The following RAB15 variants were observed in gnomAD, a reference collection of about 807,000 sequenced individuals.
The protein encoded by RAB15 is ras-related protein Rab-15.
Under a neutral mutation model 31.8 loss-of-function variants are expected in RAB15, and 13 were observed. The observed-to-expected ratio is 0.41, with a 90% CI of 0.27 to 0.65. The LOEUF (loss-of-function observed/expected upper bound fraction) is 0.65, where lower values mean the gene tolerates loss of function less well. RAB15 is among the 30% of genes least tolerant of loss of function. RAB15 has a pLI of 0.32. For synonymous variants in RAB15, 100 were observed against 105.6 expected, an observed-to-expected ratio of 0.95 and a Z score of 0.33; for missense variants, 220 against 277.3, an observed-to-expected ratio of 0.79 and a Z score of 1.47.
At position 64,952,484 on chromosome 14, in the gene RAB15, T is replaced by G; in HGVS notation, c.185+27A>C. The G allele has an allele frequency of 6.3e-7, 1 of 1,588,746 alleles. No individual in the cohort carries two copies. The highest frequency in any genetic ancestry group is 8.6e-7 in the Non-Finnish European group (1 of 1,157,542). Reference sequence around the variant, plus strand: ...CAGCCAGAAGTCCTCTTCTCCTACATCTGCCTCCTCCTCCTCCCCAGCTCA... The same window carrying G: ...CAGCCAGAAGTCCTCTTCTCCTACAGCTGCCTCCTCCTCCTCCCCAGCTCA... On this transcript the variant is annotated intron_variant, in intron 2 of 6. Transcript: ENST00000533601. This position sits in a 1 kb window ranked among gnomAD's most constrained non-coding sequence, Gnocchi z 4.2.
chr14:64,953,898 C>T lies in RAB15; in HGVS notation c.125-1327G>A. 2 of 985,420 alleles carry T rather than the reference C, an allele frequency of 2.0e-6. No individual in the cohort carries two copies. The highest frequency in any genetic ancestry group is 2.4e-6 in the Non-Finnish European group (2 of 829,920). 61.0% of individuals were successfully genotyped at this position (985,420 alleles called of 1,614,324 possible). The stretch of plus-strand genomic sequence containing the variant: ...GTCTGCCACCAGCTGCACTGCCCGG[C>T]CCAGAAGGCCTGAAGGCACCAGCAT... On this transcript the variant is annotated intron_variant, in intron 1 of 6. Coordinates refer to ENST00000533601, the MANE Select transcript of RAB15 (RefSeq NM_001308154.2). The surrounding 1 kb of genome is among the most constrained non-coding windows in gnomAD (Gnocchi z 4.6).
In RAB15 at chr14:64,954,107, T is replaced by C. The variant is rs1020645454; in HGVS notation, c.125-1536A>G. 5.1e-6 allele frequency: 5 copies of C among 985,456 alleles called. No individual in the cohort carries two copies. Among genetic ancestry groups the C allele is most frequent in the Non-Finnish European group, 6.0e-6 (5 of 829,934 alleles). The allele number at this position is 985,456 out of a possible 1,614,324, so 61.0% of individuals were successfully genotyped here. On this transcript the variant is annotated intron_variant, in intron 1 of 6. Transcript: ENST00000533601. The surrounding 1 kb of genome is among the most constrained non-coding windows in gnomAD (Gnocchi z 4.3). Reference sequence around the variant, plus strand: ...GAAAAAAGATGCAGAACGGGCAACCTGAACTAAATCGATTTGGTCAGACGT... The same window carrying C: ...GAAAAAAGATGCAGAACGGGCAACCCGAACTAAATCGATTTGGTCAGACGT...
rs2139961575 is a variant in RAB15 at position 64,948,587 on chromosome 14, A to G, written c.481-75T>C. ...GCAACCCTGCAGCGGCCTGAGGGAT[A>G]AGGTCCATCTTATGGCTCCTCCTCC... On this transcript the variant is annotated intron_variant, in intron 6 of 6. Coordinates refer to ENST00000533601, the MANE Select transcript of RAB15 (RefSeq NM_001308154.2). The surrounding 1 kb of genome is among the most constrained non-coding windows in gnomAD (Gnocchi z 7.0). The G allele has an allele frequency of 5.6e-6, 9 of 1,607,520 alleles. No individual in the cohort carries two copies. The highest frequency in any genetic ancestry group is 7.7e-6 in the Non-Finnish European group (9 of 1,175,594).
rs142907094 is a variant in RAB15, at chr14:64,971,719, A to T, written c.124+234T>A. The T allele has an allele frequency of 5.4e-6, 3 of 552,630 alleles. No individual in the cohort carries two copies. The highest frequency in any genetic ancestry group is 2.1e-5 in the South Asian group (1 of 47,788). 34.2% of individuals were successfully genotyped at this position (552,630 alleles called of 1,614,324 possible). A position where few individuals can be genotyped will look rare whatever the true frequency, so the allele number is the denominator to read the frequency against. The stretch of plus-strand genomic sequence containing the variant: ...CCGGTTTCTCGGTTTGATGGGACGG[A>T]AGGCTTCCCGGCAAGAGGCGGGAGA... On this transcript the variant is annotated intron_variant, in intron 1 of 6. Transcript: ENST00000533601. The surrounding 1 kb of genome is among the most constrained non-coding windows in gnomAD (Gnocchi z 4.1).
At position 64,955,946 on chromosome 14, in the gene RAB15, A is replaced by T. The variant is rs912665643; in HGVS notation, c.125-3375T>A. ...ATGAGAATCACGCGGGGATTGAGTT[A>T]AAATGCAGATTCTGATCTGGTAGGT... is the stretch of plus-strand genomic sequence containing the variant. On this transcript the variant is annotated intron_variant, in intron 1 of 6. Transcript: ENST00000533601. This position sits in a 1 kb window ranked among gnomAD's most constrained non-coding sequence, Gnocchi z 4.4. 9.2e-5 allele frequency among the ~76,000 whole-genome samples: 14 copies of T among 152,202 alleles called. No individual in the cohort carries two copies. In the South Asian group the frequency reaches 1.2e-3, roughly 13 times the overall value.
chr14:64,950,628 A>G lies in RAB15; in HGVS notation c.325-214T>C. ...TAGGGTAGAAGACACTCTGGCTAAG[A>G]CTGGTGCTTCCTTGGGTTAGACCAC... On this transcript the variant is annotated intron_variant, in intron 4 of 6. Transcript: ENST00000533601. The surrounding 1 kb of genome is among the most constrained non-coding windows in gnomAD (Gnocchi z 5.6). The G allele has an allele frequency of 6.6e-6, 4 of 607,518 alleles. No homozygotes were observed. Among genetic ancestry groups the G allele is most frequent in the Non-Finnish European group, 1.2e-5 (4 of 341,326 alleles). 37.6% of individuals were successfully genotyped at this position (607,518 alleles called of 1,614,324 possible).
Position 64,947,178 on chromosome 14 carries a change from G to A in RAB15, c.*1176C>T, listed in dbSNP as rs1181956610. On this transcript the variant is annotated 3_prime_UTR_variant, in exon 7 of 7. Transcript: ENST00000533601. This position sits in a 1 kb window ranked among gnomAD's most constrained non-coding sequence, Gnocchi z 5.6. ...GAAGGCTAGGCTCAGTCCTCCGCCT[G>A]GGAGTCTGAGGAAATGCTCTTCTTA... The A allele has an allele frequency of 6.6e-6, 1 of 152,484 alleles. No homozygotes were observed. Among genetic ancestry groups the A allele is most frequent in the African/African-American group, 2.4e-5 (1 of 41,448 alleles). 9.4% of individuals were successfully genotyped at this position (152,484 alleles called of 1,614,324 possible). A position where few individuals can be genotyped will look rare whatever the true frequency, so the allele number is the denominator to read the frequency against.
Position 64,962,942 on chromosome 14 carries a change from T to C in RAB15, c.124+9011A>G, listed in dbSNP as rs189666005. Among the ~76,000 whole-genome samples, 13 of 152,156 alleles carry C rather than the reference T, an allele frequency of 8.5e-5. No homozygotes were observed. Among genetic ancestry groups the C allele is most frequent in the African/African-American group, 2.9e-4 (12 of 41,502 alleles). ...AACCTGAAGAATACACCAAGAAACT[T>C]CTCAAATGCCAGCAAGGCCAACTTC... On this transcript the variant is annotated intron_variant, in intron 1 of 6. Coordinates refer to ENST00000533601, the MANE Select transcript of RAB15 (RefSeq NM_001308154.2). The surrounding 1 kb of genome is among the most constrained non-coding windows in gnomAD (Gnocchi z 4.2).
Position 64,951,727 on chromosome 14 carries a change from G to T in RAB15, c.186-64C>A. ...ATGGGAACAGACGGGGAGGGGAAGAGCAGAGCTGTCCCCTTGTAGGAAAAA... is the reference window on the plus strand; with the variant it reads ...ATGGGAACAGACGGGGAGGGGAAGATCAGAGCTGTCCCCTTGTAGGAAAAA... On this transcript the variant is annotated intron_variant, in intron 2 of 6. Transcript: ENST00000533601. The surrounding 1 kb of genome is among the most constrained non-coding windows in gnomAD (Gnocchi z 7.2). 1 of 1,401,440 alleles carries T rather than the reference G, an allele frequency of 7.1e-7. No homozygotes were observed. Among genetic ancestry groups the T allele is most frequent in the Non-Finnish European group, 1.0e-6 (1 of 985,866 alleles). 86.8% of individuals were successfully genotyped at this position (1,401,440 alleles called of 1,614,324 possible).
At chr14:64,964,742 A>T (rs1380636865) in intron 1 of RAB15, among the ~76,000 whole-genome samples, 1 of 151,578 alleles carries the variant, frequency 6.6e-6, no homozygotes, top group Non-Finnish European at 1.5e-5. Flanking sequence ...CACCCGGCTA[A>T]TTTTTTGTAT....
chr14:64,966,114 A>AG (rs1344566565), intron 1 of RAB15, among the ~76,000 whole-genome samples: 1 of 152,156 alleles, frequency 6.6e-6, no homozygotes, highest in Non-Finnish European at 1.5e-5. Flanking sequence ...TGCCAGGGAA[A>AG]GGGGGGTACT....
At chr14:64,964,369 A>C (rs958938145) in intron 1 of RAB15, among the ~76,000 whole-genome samples, 1 of 151,690 alleles carries the variant, frequency 6.6e-6, no homozygotes, top group Non-Finnish European at 1.5e-5. Context: ...TAAAATACAA[A>C]AACTTAGCCC....
rs573399507 is a variant in RAB15, at chr14:64,956,935, A to ATT, written c.125-4366_125-4365dup. On this transcript the variant is annotated intron_variant, in intron 1 of 6. Coordinates refer to ENST00000533601, the MANE Select transcript of RAB15 (RefSeq NM_001308154.2). ...CAAGTCTCAACTTCTCCTAGCTTCA[A>ATT]TTTTTTTTTTTTTTTGGGATGGAGT... is the stretch of plus-strand genomic sequence containing the variant. Among the ~76,000 whole-genome samples, 402 of 143,480 alleles carry ATT rather than the reference A, an allele frequency of 2.8e-3. 4 individuals are homozygous for ATT. The highest frequency in any genetic ancestry group is 6.5e-3 in the African/African-American group (251 of 38,502). 94.1% of individuals were successfully genotyped at this position (143,480 alleles called of 152,430 possible).
At position 64,951,220 on chromosome 14, in the gene RAB15, C is replaced by T. The variant is rs1023527623; in HGVS notation, c.247-69G>A. On this transcript the variant is annotated intron_variant, in intron 3 of 6. Transcript: ENST00000533601. This position sits in a 1 kb window ranked among gnomAD's most constrained non-coding sequence, Gnocchi z 7.2. ...GTGCAGTCATGGGGCCAGAAGGGGCCGTGGAAACTTAAAGGTTGGGTCCCA... is the reference window on the plus strand; with the variant it reads ...GTGCAGTCATGGGGCCAGAAGGGGCTGTGGAAACTTAAAGGTTGGGTCCCA... 69 of 1,333,916 alleles carry T rather than the reference C, an allele frequency of 5.2e-5. No homozygotes were observed. The highest frequency in any genetic ancestry group is 2.7e-4 in the Admixed American group (15 of 56,094). The allele number at this position is 1,333,916 out of a possible 1,614,324, so 82.6% of individuals were successfully genotyped here. A position where few individuals can be genotyped will look rare whatever the true frequency, so the allele number is the denominator to read the frequency against.
At position 64,970,762 on chromosome 14, in the gene RAB15, A is replaced by G. The variant is rs939660124; in HGVS notation, c.124+1191T>C. On this transcript the variant is annotated intron_variant, in intron 1 of 6. Coordinates refer to ENST00000533601, the MANE Select transcript of RAB15 (RefSeq NM_001308154.2). This position sits in a 1 kb window ranked among gnomAD's most constrained non-coding sequence, Gnocchi z 4.1. The stretch of plus-strand genomic sequence containing the variant: ...AGCTCAGAAGTTTAGGCAATATTCA[A>G]GGTTGCTTTGCCCCACAGTGAGGTC... 3.3e-5 allele frequency among the ~76,000 whole-genome samples: 5 copies of G among 152,236 alleles called. No individual in the cohort carries two copies. The highest frequency in any genetic ancestry group is 3.2e-3 in the Middle Eastern group (1 of 316).
In RAB15 at chr14:64,951,643, C is replaced by G; in HGVS notation, c.206G>C (p.Arg69Thr). The G allele has an allele frequency of 6.2e-7, 1 of 1,614,224 alleles. No homozygotes were observed. Among genetic ancestry groups the G allele is most frequent in the Non-Finnish European group, 8.5e-7 (1 of 1,180,008 alleles). ...GTACTGCTTTGTGATGGTCTGGTAT[C>G]TCTCCTGCCCTGCAGTGTCCCTGCA... The part of the protein sequence containing the change: ...IQIWDTAGQE[R>T]YQTITKQYYR... Residue 69 changes from arginine (R) to threonine (T), a missense_variant, in exon 3 of 7, where the codon AGA (arginine) becomes ACA (threonine). Transcript: ENST00000533601. This position sits in a 1 kb window ranked among gnomAD's most constrained non-coding sequence, Gnocchi z 7.2.
In RAB15 at chr14:64,953,895, C is replaced by T. The variant is rs1157880517; in HGVS notation, c.125-1324G>A. 12 of 985,316 alleles carry T rather than the reference C, an allele frequency of 1.2e-5. No individual in the cohort carries two copies. The highest frequency in any genetic ancestry group is 1.3e-5 in the Non-Finnish European group (11 of 829,950). The allele number at this position is 985,316 out of a possible 1,614,324, so 61.0% of individuals were successfully genotyped here. On this transcript the variant is annotated intron_variant, in intron 1 of 6. Transcript: ENST00000533601. The surrounding 1 kb of genome is among the most constrained non-coding windows in gnomAD (Gnocchi z 4.6). ...ACCGTCTGCCACCAGCTGCACTGCC[C>T]GGCCCAGAAGGCCTGAAGGCACCAG... is the stretch of plus-strand genomic sequence containing the variant.
chr14:64,954,598 C>A lies in RAB15; in HGVS notation c.125-2027G>T, dbSNP rs1378222939. ...TGCCCTGCACAGTGCTCAGTGCAGA[C>A]AGAGCAGTGAAAAAGACATGGCCCC... On this transcript the variant is annotated intron_variant, in intron 1 of 6. Transcript: ENST00000533601. The surrounding 1 kb of genome is among the most constrained non-coding windows in gnomAD (Gnocchi z 4.3). 1.8e-5 allele frequency: 16 copies of A among 900,268 alleles called. No individual in the cohort carries two copies. The highest frequency in any genetic ancestry group is 2.1e-5 in the Non-Finnish European group (16 of 752,582). The allele number at this position is 900,268 out of a possible 1,614,324, so 55.8% of individuals were successfully genotyped here.
chr14:64,969,423 G>A (rs565281525), intron 1 of RAB15, among the ~76,000 whole-genome samples: 2 of 152,160 alleles, frequency 1.3e-5, no homozygotes, highest in Non-Finnish European at 2.9e-5. Flanking sequence ...TGAAAAACAC[G>A]CCCAAGATAA....
Sources: allele counts gnomAD v4.1 joint callset (sites outside exome capture counted in the v4.1 genomes callset), GRCh38; gene constraint gnomAD v4.1.1; non-coding constraint Gnocchi (gnomAD v3.1); transcripts MANE v1.5; gene names NCBI Gene and HGNC (gene_info 2026-07-23, HGNC 2026-07-21).